The following LRRC37B variants were observed in gnomAD, a reference collection of about 807,000 sequenced individuals.
LRRC37B encodes leucine-rich repeat-containing protein 37B.
Under a neutral mutation model 98.3 loss-of-function variants are expected in LRRC37B, and 28 were observed. The ratio of observed to expected loss-of-function variants is 0.28; its 90% CI spans 0.21 to 0.39. LRRC37B has a LOEUF of 0.39. Ranked by LOEUF, LRRC37B falls within the 10% of genes least tolerant of loss-of-function variation. LRRC37B has a pLI of 1.00. For missense variants in LRRC37B, 938 were observed against 1,182.7 expected (o/e 0.79, Z 3.03); for synonymous variants, 364 against 442.7 (o/e 0.82, Z 2.23).
chr17:32,021,622 A>C lies in LRRC37B; in HGVS notation c.557A>C (p.Asp186Ala), dbSNP rs571023155. 2 of 1,614,210 alleles carry C rather than the reference A, an allele frequency of 1.2e-6. No homozygotes were observed. The highest frequency in any genetic ancestry group is 2.2e-5 in the South Asian group (2 of 91,086). Residue 186 changes from aspartate to alanine, a missense_variant, in exon 1 of 12, where the codon GAT becomes GCT. Asp to Ala is a moderately radical substitution (Grantham distance 126). Transcript: ENST00000327564. Reference sequence around the variant, plus strand: ...CGCCTCAAGTGGGTTCAAACTACAGATCTAGATCGGGCTGCAGGTCATCAG... The same window carrying C: ...CGCCTCAAGTGGGTTCAAACTACAGCTCTAGATCGGGCTGCAGGTCATCAG...
upstream of LRRC37B, chr17:32,020,621 G>A (rs192349316): frequency 1.0e-3 from 455 of 456,658 alleles, 3 homozygotes; most frequent in African/African-American, 8.5e-3. Flanking sequence ...ACAGTTTAGC[G>A]AAAACGGCAA....
chr17:32,037,641 C>T (rs571506716), intron 7 of LRRC37B, among the ~76,000 whole-genome samples: 2 of 152,286 alleles, frequency 1.3e-5, no homozygotes, highest in East Asian at 3.9e-4. Context: ...AGTGGAATCT[C>T]ACTGGTTTTA....
chr17:32,037,914 T>C (rs1175662902), intron 7 of LRRC37B, among the ~76,000 whole-genome samples: 1 of 151,996 alleles, frequency 6.6e-6, no homozygotes, highest in Non-Finnish European at 1.5e-5. Flanking sequence ...AAGACCATCC[T>C]GGCTAACACA....
In LRRC37B at chr17:32,021,631, G is replaced by A. The variant is rs146284948; in HGVS notation, c.566G>A (p.Arg189Gln). 2.8e-5 allele frequency: 45 copies of A among 1,614,164 alleles called. No homozygotes were observed. The Middle Eastern group carries it at 4.9e-4, about 18-fold the overall frequency. The change falls in exon 1 of 12, where the codon CGG becomes CAG. Residue 189 changes from arginine to glutamine, a missense_variant. Physicochemically the swap from Arg to Gln is conservative, Grantham distance 43. This residue lies in a region of LRRC37B where 610 missense variants were observed against 625.6 expected (regional missense o/e 0.98). Transcript: ENST00000327564. ...TGGGTTCAAACTACAGATCTAGATC[G>A]GGCTGCAGGTCATCAGGCAGATGAA...
At chr17:32,041,812 G>A (rs1284913458) in intron 7 of LRRC37B, 1 of 459,126 alleles carries the variant, frequency 2.2e-6, no homozygotes, top group East Asian at 6.6e-5. Context: ...TCCTCACCCA[G>A]CTGGCCCAGA....
At chr17:32,047,863 C>A in exon 9 of LRRC37B, 1 of 1,614,104 alleles carries the variant, frequency 6.2e-7, no homozygotes, top group Non-Finnish European at 8.5e-7. Flanking sequence ...TCGGAGGCGC[C>A]CTCAGACAGC....
In LRRC37B at chr17:32,029,951, G is replaced by A. The variant is rs1459151600; in HGVS notation, c.1905-705G>A. Among the ~76,000 whole-genome samples, 5 of 151,966 alleles carry A rather than the reference G, an allele frequency of 3.3e-5. No individual in the cohort carries two copies. The East Asian group carries it at 7.8e-4, about 24-fold the overall frequency. On this transcript the variant is annotated intron_variant, in intron 3 of 11. Coordinates refer to ENST00000327564, the Ensembl canonical transcript of LRRC37B. ...GTGCTGGTCTTTGCAAGCCACTTCT[G>A]GAGAGTTTATATGATGACTGTGTGG...
At chr17:32,040,376 C>G (rs895629552) in intron 7 of LRRC37B, 2 of 449,142 alleles carry the variant, frequency 4.5e-6, no homozygotes, top group South Asian at 3.8e-5. Flanking sequence ...CAGAGGGTCA[C>G]GCACCTGGGA....
intron 6 of LRRC37B, 113 bp downstream of exon 9, chr17:32,035,094 T>C: frequency 1.3e-6 from 1 of 783,222 alleles, no homozygotes. Flanking sequence ...AAATTTTAAC[T>C]GAGTTATTGA....
In LRRC37B at chr17:32,011,693, C is replaced by T. The variant is rs148940364; in HGVS notation, c.-191+3561C>T. 1.7e-3 allele frequency among the ~76,000 whole-genome samples: 261 copies of T among 151,996 alleles called. 3 individuals carry two copies. The highest frequency in any genetic ancestry group is 0.016 in the East Asian group (83 of 5,148). Reference sequence around the variant, plus strand: ...TGGATTTTTAGTAGAGATGGGGTTTCACCATGTTGGCCAGGCTGGTCTCAA... The same window carrying T: ...TGGATTTTTAGTAGAGATGGGGTTTTACCATGTTGGCCAGGCTGGTCTCAA... On this transcript the variant is annotated intron_variant, in intron 1 of 14. Coordinates refer to the LRRC37B transcript ENST00000543378.
rs544993907 is a variant in LRRC37B, at chr17:32,039,191, G to T, written c.2204+3552G>T. On this transcript the variant is annotated intron_variant, in intron 7 of 11. Transcript: ENST00000327564. Reference sequence around the variant, plus strand: ...GAGGTCTCACTGTGTTGTCCAGGCTGGTTTCGAACTCCTGGCCTCAAGTGA... The same window carrying T: ...GAGGTCTCACTGTGTTGTCCAGGCTTGTTTCGAACTCCTGGCCTCAAGTGA... Among the ~76,000 whole-genome samples the T allele has an allele frequency of 2.6e-5, 4 of 151,554 alleles. No individual in the cohort carries two copies. The South Asian group carries it at 6.3e-4, about 24-fold the overall frequency.
rs556359833 is a variant in LRRC37B, at chr17:32,034,064, G to T, written c.2058-846G>T. Reference sequence around the variant, plus strand: ...TGATGTCATACAGGAAGACAAGTGGGAGTATGTGATGGGAGTATGGTTTTG... The same window carrying T: ...TGATGTCATACAGGAAGACAAGTGGTAGTATGTGATGGGAGTATGGTTTTG... On this transcript the variant is annotated intron_variant, in intron 5 of 11. Coordinates refer to ENST00000327564, the Ensembl canonical transcript of LRRC37B. The T allele has an allele frequency of 1.1e-4, 17 of 152,284 alleles. 1 individual carries two copies. The highest frequency in any genetic ancestry group is 4.1e-4 in the African/African-American group (17 of 41,558). 9.4% of individuals were successfully genotyped at this position (152,284 alleles called of 1,614,324 possible).
chr17:32,024,671 T>C, intron 1 of LRRC37B, 40 bp from the exon 5 acceptor site: 5 of 1,606,478 alleles, frequency 3.1e-6, no homozygotes, highest in Non-Finnish European at 4.2e-6. Flanking sequence ...GTTCATTCTT[T>C]GCGTGCCTAT....
chr17:32,017,610 G>A (rs1910673674), upstream of LRRC37B, among the ~76,000 whole-genome samples: 1 of 152,148 alleles, frequency 6.6e-6, no homozygotes, highest in African/African-American at 2.4e-5. Context: ...TTCGAGACCA[G>A]CCTGGGCAAC....
chr17:32,044,026 G>A (rs1280599326), intron 7 of LRRC37B, among the ~76,000 whole-genome samples: 2 of 151,526 alleles, frequency 1.3e-5, no homozygotes, highest in African/African-American at 4.9e-5. Context: ...CCAAGGAACA[G>A]AGATTAAGCA....
intron 1 of LRRC37B, among the ~76,000 whole-genome samples, chr17:32,009,769 A>C (rs1190816783): frequency 6.6e-6 from 1 of 151,920 alleles, no homozygotes; most frequent in Non-Finnish European, 1.5e-5. Context: ...CAGCCTCCCA[A>C]GTAGTTGGGA....
chr17:32,008,013 AG>A lies in LRRC37B; in HGVS notation c.-308del, dbSNP rs759897598. ...GATGCCGAGGAGACCCAGGAGTCTG[AG>A]GACAACTAGGAGGATGACATGGAGG... On this transcript the variant is annotated 5_prime_UTR_variant, in exon 1 of 15. The change creates a premature stop within an existing upstream ORF in the 5' untranslated region. Transcript: ENST00000543378. 1 of 504,484 alleles carries A rather than the reference AG, an allele frequency of 2.0e-6. No homozygotes were observed. Among genetic ancestry groups the A allele is most frequent in the Admixed American group, 2.7e-5 (1 of 37,414 alleles). The allele number at this position is 504,484 out of a possible 1,614,324, so 31.3% of individuals were successfully genotyped here. A position where few individuals can be genotyped will look rare whatever the true frequency, so the allele number is the denominator to read the frequency against.
In LRRC37B at chr17:32,035,429, C is replaced by T. The variant is rs140978326; in HGVS notation, c.2130-136C>T. On this transcript the variant is annotated intron_variant, in intron 6 of 11. Coordinates refer to ENST00000327564, the Ensembl canonical transcript of LRRC37B. ...TTAATAAGATCTCTCTGGAATTTTACGGCAAATAAACTATTGAAGTGGCTT... is the reference window on the plus strand; with the variant it reads ...TTAATAAGATCTCTCTGGAATTTTATGGCAAATAAACTATTGAAGTGGCTT... 233 of 898,106 alleles carry T rather than the reference C, an allele frequency of 2.6e-4. 1 individual carries two copies. Among genetic ancestry groups the T allele is most frequent in the South Asian group, 4.7e-4 (26 of 55,700 alleles). 55.6% of individuals were successfully genotyped at this position (898,106 alleles called of 1,614,324 possible).
exon 9 of LRRC37B, chr17:32,047,836 C>T: frequency 1.2e-6 from 2 of 1,614,106 alleles, no homozygotes; most frequent in Non-Finnish European, 1.7e-6. Flanking sequence ...CACATGAGCA[C>T]TCAGCTGACT....
Sources: allele counts gnomAD v4.1 joint callset (sites outside exome capture counted in the v4.1 genomes callset), GRCh38; gene constraint gnomAD v4.1.1; regional missense constraint gnomAD v4.1.1; transcripts MANE v1.5; gene names NCBI Gene and HGNC (gene_info 2026-07-23, HGNC 2026-07-21).